ESRRB: variants seen among roughly 807,000 people sequenced by gnomAD.
ESRRB encodes steroid hormone receptor ERR2.
Under a neutral mutation model 46.0 loss-of-function variants are expected in ESRRB, and 16 were observed. The ratio of observed to expected loss-of-function variants is 0.35; its 90% CI spans 0.24 to 0.53. The LOEUF is 0.53. Ranked by LOEUF, ESRRB falls within the 20% of genes least tolerant of loss-of-function variation. The pLI is 0.93. For missense variants in ESRRB, 488 were observed against 607.4 expected, an observed-to-expected ratio of 0.80 and a Z score of 2.07; for synonymous variants, 246 against 259.6, an observed-to-expected ratio of 0.95 and a Z score of 0.50.
chr14:76,386,345 T>A (rs1253463317), intron 1 of ESRRB, among the ~76,000 whole-genome samples: 1 of 152,198 alleles, frequency 6.6e-6, no homozygotes, highest in Non-Finnish European at 1.5e-5. Flanking sequence ...GGCAACCCTA[T>A]CTACCCATGA....
chr14:76,426,804 G>A (rs566415745), intron 1 of ESRRB, among the ~76,000 whole-genome samples: 2 of 152,292 alleles, frequency 1.3e-5, no homozygotes, highest in South Asian at 4.2e-4. Context: ...GCTGAAGTGG[G>A]AGGATTTTCT....
chr14:76,423,989 C>A (rs1308780547), intron 1 of ESRRB, among the ~76,000 whole-genome samples: 4 of 152,146 alleles, frequency 2.6e-5, no homozygotes, highest in Admixed American at 1.3e-4. Context: ...GAGCCCCTGG[C>A]TGTCTTCAGC....
intron 2 of ESRRB, among the ~76,000 whole-genome samples, chr14:76,448,882 T>C (rs1888264987): frequency 6.6e-6 from 1 of 152,220 alleles, no homozygotes; most frequent in African/African-American, 2.4e-5. Context: ...TAAATTACCT[T>C]ATGGAAAACA....
intron 1 of ESRRB, among the ~76,000 whole-genome samples, chr14:76,334,542 T>C (rs1458824526): frequency 2.6e-5 from 4 of 152,182 alleles, no homozygotes; most frequent in Non-Finnish European, 4.4e-5. Flanking sequence ...CTCCAGGGCC[T>C]CGCCTGCGAC....
chr14:76,468,790 G>T (rs1889236610), intron 3 of ESRRB, among the ~76,000 whole-genome samples: 1 of 152,128 alleles, frequency 6.6e-6, no homozygotes, highest in Non-Finnish European at 1.5e-5. Context: ...ATTGTTGATT[G>T]GAGATAGATA....
At chr14:76,496,706 G>A (rs556353901) in intron 6 of ESRRB, among the ~76,000 whole-genome samples, 3 of 152,290 alleles carry the variant, frequency 2.0e-5, no homozygotes, top group South Asian at 2.1e-4. Context: ...CCCTCAGGGC[G>A]ACCATGGGTG....
intron 1 of ESRRB, among the ~76,000 whole-genome samples, chr14:76,394,593 A>T (rs920798718): frequency 1.1e-4 from 17 of 152,198 alleles, no homozygotes; most frequent in African/African-American, 4.1e-4. Flanking sequence ...GCTTGAGCTG[A>T]TGAGGGCCTT....
At chr14:76,494,905 T>A (rs1400271393) in intron 6 of ESRRB, among the ~76,000 whole-genome samples, 2 of 152,142 alleles carry the variant, frequency 1.3e-5, no homozygotes, top group Admixed American at 1.3e-4. Flanking sequence ...ATCTTGCCTG[T>A]GTTGGGAGAG....
chr14:76,414,813 G>C (rs188754644), intron 1 of ESRRB, among the ~76,000 whole-genome samples: 18 of 152,236 alleles, frequency 1.2e-4, no homozygotes, highest in Non-Finnish European at 2.4e-4. Context: ...ACTGCCCGTG[G>C]CCTGGAGGTG....
intron 1 of ESRRB, among the ~76,000 whole-genome samples, chr14:76,436,927 T>TATCTTTTATCTTTGTGTC (rs1382529834): frequency 4.6e-5 from 7 of 152,166 alleles, no homozygotes; most frequent in African/African-American, 1.7e-4. Flanking sequence ...AGCTTTATGT[T>TATCTTTTATCTTTGTGTC]ATCTTTTATC....
chr14:76,310,797 A>C (rs1340175292), exon 1 of ESRRB: 9 of 453,062 alleles, frequency 2.0e-5, no homozygotes, highest in Non-Finnish European at 4.0e-5. Context: ...AGACACAGAC[A>C]GGGGACTGTC....
At position 76,376,280 on chromosome 14, in the gene ESRRB, C is replaced by G. The variant is rs1595060357; in HGVS notation, c.-122C>G. 2.8e-6 allele frequency: 2 copies of G among 719,430 alleles called. No homozygotes were observed. Among genetic ancestry groups the G allele is most frequent in the East Asian group, 6.8e-5 (2 of 29,394 alleles). The allele number at this position is 719,430 out of a possible 1,614,324, so 44.6% of individuals were successfully genotyped here. ...CCCGCCGCGGCCGCCTCCTCCCACT[C>G]TGCGTTCTCGCGCTCACTGTGCCCT... On this transcript the variant is annotated 5_prime_UTR_variant, in exon 1 of 7. Transcript: ENST00000644823. This position sits in a 1 kb window ranked among gnomAD's most constrained non-coding sequence, Gnocchi z 4.1.
At chr14:76,399,637 G>T (rs902866629) in intron 1 of ESRRB, among the ~76,000 whole-genome samples, 1 of 152,170 alleles carries the variant, frequency 6.6e-6, no homozygotes, top group Non-Finnish European at 1.5e-5. Flanking sequence ...AGAGATTTTT[G>T]ATTACAAAGA....
chr14:76,405,284 T>G (rs1021735406), intron 1 of ESRRB, among the ~76,000 whole-genome samples: 41 of 151,096 alleles, frequency 2.7e-4, no homozygotes, highest in South Asian at 1.7e-3. Context: ...CCCGGCTAAT[T>G]TTTTTTTTGT....
chr14:76,416,584 C>T (rs1210393376), intron 1 of ESRRB, among the ~76,000 whole-genome samples: 2 of 152,034 alleles, frequency 1.3e-5, no homozygotes, highest in African/African-American at 4.8e-5. Context: ...ATTCTCCTGC[C>T]CCAGCCTCCT....
intron 1 of ESRRB, among the ~76,000 whole-genome samples, chr14:76,358,661 G>A (rs1035733652): frequency 2.6e-5 from 4 of 152,194 alleles, no homozygotes; most frequent in East Asian, 3.8e-4. Context: ...ATCACCTTGC[G>A]TTCACTAAAA....
At chr14:76,365,874 G>A (rs1299921611) in intron 1 of ESRRB, among the ~76,000 whole-genome samples, 1 of 152,202 alleles carries the variant, frequency 6.6e-6, no homozygotes, top group African/African-American at 2.4e-5. Context: ...TTTAGTCGGT[G>A]TAAGTCTTGC....
intron 1 of ESRRB, among the ~76,000 whole-genome samples, chr14:76,432,691 T>TTC (rs1486940456): frequency 8.0e-6 from 1 of 125,094 alleles, no homozygotes; most frequent in African/African-American, 3.6e-5. Context: ...TTTTTTTTTT[T>TTC]CTGAGACGGT....
At chr14:76,481,901 G>A in intron 3 of ESRRB, 115 bp from the exon 4 acceptor site, 1 of 917,640 alleles carries the variant, frequency 1.1e-6, no homozygotes, top group Non-Finnish European at 1.7e-6. Context: ...AGCTGTCGAA[G>A]GTCATCCGAG....
Sources: allele counts gnomAD v4.1 joint callset (sites outside exome capture counted in the v4.1 genomes callset), GRCh38; gene constraint gnomAD v4.1.1; non-coding constraint Gnocchi (gnomAD v3.1); transcripts MANE v1.5; gene names NCBI Gene and HGNC (gene_info 2026-07-23, HGNC 2026-07-21).